Variants in EYS observed in about 807,000 individuals in gnomAD.
The protein encoded by EYS is protein eyes shut homolog.
EYS carries 250 observed loss-of-function variants against 282.1 expected under a neutral mutation model. The observed-to-expected ratio is 0.89, with a 90% confidence interval of 0.80 to 0.98. The LOEUF is 0.98. Ranked by LOEUF, EYS falls within the 50% of genes least tolerant of loss-of-function variation. The pLI is 0.00. For synonymous variants in EYS, 1,355 were observed against 1,282.9 expected (o/e 1.06, Z -1.20); for missense variants, 4,016 against 3,709.0 (o/e 1.08, Z -2.15).
chr6:64,868,216 T>G (rs1042155250), intron 19 of EYS, among the ~76,000 whole-genome samples: 3 of 151,538 alleles, frequency 2.0e-5, no homozygotes, highest in Admixed American at 6.6e-5. Flanking sequence ...TTGAACCCTT[T>G]GAATGTGACA....
chr6:64,975,320 T>A (rs1156958454), intron 14 of EYS, among the ~76,000 whole-genome samples: 1 of 151,810 alleles, frequency 6.6e-6, no homozygotes, highest in African/African-American at 2.4e-5. Flanking sequence ...TTACTATAAA[T>A]ATAAATAATG....
chr6:65,331,581 T>G (rs896858458), intron 11 of EYS: 1 of 975,286 alleles, frequency 1.0e-6, no homozygotes, highest in African/African-American at 1.8e-5. Context: ...TTACAAAAAT[T>G]TTGTAATTTA....
At chr6:64,141,696 A>G (rs1011942308) in intron 31 of EYS, among the ~76,000 whole-genome samples, 1 of 152,200 alleles carries the variant, frequency 6.6e-6, no homozygotes, top group African/African-American at 2.4e-5. Flanking sequence ...AATTGGTTTT[A>G]ATCAGTTAGC....
intron 35 of EYS, among the ~76,000 whole-genome samples, chr6:63,894,568 T>G (rs537265369): frequency 6.7e-6 from 1 of 148,170 alleles, no homozygotes; most frequent in Admixed American, 6.7e-5. Context: ...AAATCTGTTG[T>G]TTTTTTTTGT....
At chr6:64,106,948 C>A (rs1000563028) in intron 31 of EYS, among the ~76,000 whole-genome samples, 6 of 151,294 alleles carry the variant, frequency 4.0e-5, no homozygotes, top group African/African-American at 1.5e-4. Context: ...CTCAGCAGTG[C>A]CCAGTCTACT....
rs544346466 is a variant in EYS at position 65,643,160 on chromosome 6, C to A, written c.-447-3268G>T. On this transcript the variant is annotated intron_variant, in intron 1 of 42. Coordinates refer to ENST00000503581, the MANE Select transcript of EYS (RefSeq NM_001142800.2). ...AGTTCTCAGCCCTGGTCACCAGCTG[C>A]CTAAAAATAGACTCAGTGTTGTTGG... Among the ~76,000 whole-genome samples the A allele has an allele frequency of 1.3e-4, 20 of 152,228 alleles. No individual in the cohort carries two copies. The East Asian group carries it at 3.1e-3, about 24-fold the overall frequency.
chr6:65,692,695 C>T lies in EYS; in HGVS notation c.-448+14440G>A, dbSNP rs538698125. ...ACATATAATTTTTTTGGTTCTAACA[C>T]GACATGTAGTATTTATAAACATGTA... On this transcript the variant is annotated intron_variant, in intron 1 of 42. Coordinates refer to ENST00000503581, the MANE Select transcript of EYS (RefSeq NM_001142800.2). Among the ~76,000 whole-genome samples the T allele has an allele frequency of 2.4e-4, 36 of 149,794 alleles. 5 individuals are homozygous for T. In the South Asian group the frequency reaches 3.9e-3, roughly 16 times the overall value.
rs750970101 is a variant in EYS at position 65,295,893 on chromosome 6, A to C, written c.1993T>G (p.Phe665Val). 2 of 1,549,874 alleles carry C rather than the reference A, an allele frequency of 1.3e-6. No homozygotes were observed. Among genetic ancestry groups the C allele is most frequent in the Non-Finnish European group, 1.7e-6 (2 of 1,146,054 alleles). ...AATCCTGGGACACACTTGCGGAAGA[A>C]ATATCCCCTTAAATGTGTACTAGTT... Reference protein sequence around the residue: ...GTTSTHLRGYFFRKCVPGFKG... With the variant: ...GTTSTHLRGYVFRKCVPGFKG... The change falls in exon 12 of 43, where the codon TTC (phenylalanine) becomes GTC (valine). Residue 665 changes from phenylalanine to valine, a missense_variant. By Grantham distance (50) the Phe-to-Val change is conservative. Transcript: ENST00000503581.
chr6:63,750,321 T>C (rs1208815427), intron 41 of EYS, among the ~76,000 whole-genome samples: 1 of 152,210 alleles, frequency 6.6e-6, no homozygotes, highest in Non-Finnish European at 1.5e-5. Flanking sequence ...TTTCTTTGTA[T>C]GCCTTGTAAT....
At chr6:65,093,676 T>C (rs1346574223) in intron 12 of EYS, among the ~76,000 whole-genome samples, 1 of 151,634 alleles carries the variant, frequency 6.6e-6, no homozygotes, top group Non-Finnish European at 1.5e-5. Flanking sequence ...AAAAAACAAA[T>C]ATAATTCCAC....
intron 2 of EYS, among the ~76,000 whole-genome samples, chr6:65,573,121 C>T (rs899725147): frequency 2.6e-5 from 4 of 151,984 alleles, no homozygotes; most frequent in Non-Finnish European, 4.4e-5. Context: ...ACAAAGATTG[C>T]GGAGTGGGCA....
At chr6:64,498,995 C>T (rs188059947) in intron 26 of EYS, among the ~76,000 whole-genome samples, 4 of 152,102 alleles carry the variant, frequency 2.6e-5, no homozygotes, top group Admixed American at 2.0e-4. Context: ...GATTGTTGGG[C>T]GAAATGGTAT....
intron 26 of EYS, among the ~76,000 whole-genome samples, chr6:64,522,218 T>G (rs1400371757): frequency 6.6e-6 from 1 of 151,778 alleles, no homozygotes; most frequent in East Asian, 1.9e-4. Context: ...TGGTAATGCT[T>G]ATTATATGAA....
chr6:65,490,710 A>C lies in EYS; in HGVS notation c.749-3T>G. 1 of 1,603,540 alleles carries C rather than the reference A, an allele frequency of 6.2e-7. No homozygotes were observed. The highest frequency in any genetic ancestry group is 1.3e-5 in the African/African-American group (1 of 74,812). On this transcript the variant is annotated splice_polypyrimidine_tract_variant and splice_region_variant and intron_variant, in intron 4 of 42. Coordinates refer to ENST00000503581, the MANE Select transcript of EYS (RefSeq NM_001142800.2). ...AATTATTTCTGAGCAATTCTTTCCT[A>C]TAACAATGAAAAAAAGTTTTTTTTA...
intron 24 of EYS, among the ~76,000 whole-genome samples, chr6:64,607,483 T>C (rs528608276): frequency 1.1e-4 from 16 of 152,176 alleles, no homozygotes; most frequent in Non-Finnish European, 1.6e-4. Context: ...TATGTCCTCA[T>C]AGGCTGGAAG....
intron 2 of EYS, among the ~76,000 whole-genome samples, chr6:65,630,466 TTAG>T (rs1468990918): frequency 2.6e-5 from 4 of 152,234 alleles, no homozygotes; most frequent in Admixed American, 1.3e-4. Flanking sequence ...CTATCCAAAC[TTAG>T]TAGAACTTAC....
intron 5 of EYS, among the ~76,000 whole-genome samples, chr6:65,461,560 G>C (rs920742488): frequency 3.3e-5 from 5 of 151,936 alleles, no homozygotes; most frequent in African/African-American, 7.3e-5. Flanking sequence ...AACATCTGCT[G>C]TGTATGCCCC....
At chr6:65,618,946 GTTAC>G (rs1766344596) in intron 2 of EYS, among the ~76,000 whole-genome samples, 1 of 152,116 alleles carries the variant, frequency 6.6e-6, no homozygotes, top group South Asian at 2.1e-4. Flanking sequence ...TGCTGTTTTG[GTTAC>G]TGTAGTCTTG....
At chr6:65,615,656 C>A (rs1225558698) in intron 2 of EYS, among the ~76,000 whole-genome samples, 1 of 152,000 alleles carries the variant, frequency 6.6e-6, no homozygotes, top group Non-Finnish European at 1.5e-5. Context: ...AGTTCTCAGC[C>A]AGGTGCGGTG....
Sources: allele counts gnomAD v4.1 joint callset (sites outside exome capture counted in the v4.1 genomes callset), GRCh38; gene constraint gnomAD v4.1.1; transcripts MANE v1.5; gene names NCBI Gene and HGNC (gene_info 2026-07-23, HGNC 2026-07-21).